The following GBF1 variants were observed in gnomAD, a reference collection of about 807,000 sequenced individuals.
GBF1 encodes Golgi-specific brefeldin A-resistance guanine nucleotide exchange factor 1.
In GBF1, 114 loss-of-function variants were observed where a neutral mutation model predicts 210.5. The ratio of observed to expected loss-of-function variants is 0.54; its 90% CI spans 0.47 to 0.63. The LOEUF (loss-of-function observed/expected upper bound fraction) is 0.63. Among genes scored for constraint, GBF1 ranks in the 30% least tolerant of loss-of-function variants. The pLI is 0.00. For missense variants in GBF1, 1,851 were observed against 2,357.7 expected (o/e 0.79, Z 4.45); for synonymous variants, 850 against 889.2 (o/e 0.96, Z 0.78).
chr10:102,316,268 G>A (rs772023), intron 3 of GBF1, among the ~76,000 whole-genome samples: 50,066 of 151,682 alleles, frequency 0.33, 8,865 homozygotes, highest in South Asian at 0.48. Flanking sequence ...TGTATTTTTA[G>A]TAGAGATGGG....
chr10:102,278,840 A>C (rs895434487), intron 3 of GBF1, among the ~76,000 whole-genome samples: 1 of 152,196 alleles, frequency 6.6e-6, no homozygotes, highest in Non-Finnish European at 1.5e-5. Flanking sequence ...GGGTATCACA[A>C]CTGCAGGTGC....
At chr10:102,240,238 C>T in the GBF1 span, among the ~76,000 whole-genome samples, 1 of 152,224 alleles carries the variant, frequency 6.6e-6, no homozygotes, top group South Asian at 2.1e-4. Context: ...TTTCCCATTG[C>T]CTTTTGTCAC....
rs111310148 is a variant in GBF1, at chr10:102,336,068, G to A, written c.164-7983G>A. Among the ~76,000 whole-genome samples the A allele has an allele frequency of 2.4e-3, 363 of 152,132 alleles. 1 individual carries two copies. Among genetic ancestry groups the A allele is most frequent in the African/African-American group, 8.3e-3 (345 of 41,538 alleles). On this transcript the variant is annotated intron_variant, in intron 3 of 39. Transcript: ENST00000369983. Reference sequence around the variant, plus strand: ...TGTAATCCCAGCACTTTGGGAGGCCGAGGCAGGCAGATCACAAGGTCAGGA... The same window carrying A: ...TGTAATCCCAGCACTTTGGGAGGCCAAGGCAGGCAGATCACAAGGTCAGGA...
intron 3 of GBF1, among the ~76,000 whole-genome samples, chr10:102,292,249 TC>T (rs2076504430): frequency 6.6e-6 from 1 of 151,598 alleles, no homozygotes. Context: ...CATTTTCTTC[TC>T]TAAAATAAGA....
At chr10:102,239,301 A>T in the GBF1 span, among the ~76,000 whole-genome samples, 2 of 152,228 alleles carry the variant, frequency 1.3e-5, no homozygotes, top group East Asian at 3.8e-4. Context: ...CTTCATTATG[A>T]TACCACCTCT....
rs1001476280 is a variant in GBF1 at position 102,286,710 on chromosome 10, C to T, written c.163+26594C>T. On this transcript the variant is annotated intron_variant, in intron 3 of 39. Transcript: ENST00000369983. ...CCTTCATTTTTATTCATACAAATAT[C>T]GGAATTCAGTGAGCATCAGTTATTC... Among the ~76,000 whole-genome samples, 3 of 152,092 alleles carry T rather than the reference C, an allele frequency of 2.0e-5. No homozygotes were observed. The East Asian group carries it at 5.8e-4, about 29-fold the overall frequency.
intron 3 of GBF1, among the ~76,000 whole-genome samples, chr10:102,317,845 A>G (rs1288881460): frequency 6.6e-6 from 1 of 152,126 alleles, no homozygotes; most frequent in Admixed American, 6.5e-5. Context: ...TATTCATTGT[A>G]TGAATGTTAC....
chr10:102,260,938 C>T (rs2073123324), intron 3 of GBF1, among the ~76,000 whole-genome samples: 2 of 152,092 alleles, frequency 1.3e-5, no homozygotes, highest in Admixed American at 6.6e-5. Context: ...TTCCTAATCA[C>T]GGTAACCTTA....
At chr10:102,233,192 G>T in the GBF1 span, among the ~76,000 whole-genome samples, 1 of 151,682 alleles carries the variant, frequency 6.6e-6, no homozygotes, top group South Asian at 2.1e-4. Context: ...CTCGAGATTC[G>T]CTCAGGGACT....
rs754505780 is a variant in GBF1, at chr10:102,363,776, T to C, written c.2084T>C (p.Ile695Thr). The change falls in exon 17 of 40, where the codon ATT (isoleucine) becomes ACT (threonine). Residue 695 changes from isoleucine to threonine, a missense_variant. Physicochemically the swap from Ile to Thr is moderately conservative, Grantham distance 89. Transcript: ENST00000369983. The surrounding 1 kb of genome is among the most constrained non-coding windows in gnomAD (Gnocchi z 4.2). ...CTCCTGCCAGATCCACGGGAACTAA[T>C]TGAAATTAAAAACAAAAAGAAGGTA... ...SCLLPDPREL[I>T]EIKNKKKLLI... 5.6e-6 allele frequency: 9 copies of C among 1,611,284 alleles called. No homozygotes were observed. Among genetic ancestry groups the C allele is most frequent in the Admixed American group, 1.7e-5 (1 of 59,990 alleles).
upstream of GBF1, among the ~76,000 whole-genome samples, chr10:102,240,658 T>G (rs1045551482): frequency 6.6e-6 from 1 of 152,198 alleles, no homozygotes; most frequent in Non-Finnish European, 1.5e-5. Flanking sequence ...CCGAGCCCCA[T>G]GCACCGCGGA....
chr10:102,230,999 G>A, the GBF1 span: 9 of 1,599,634 alleles, frequency 5.6e-6, no homozygotes, highest in Non-Finnish European at 7.7e-6. Flanking sequence ...TCGTAGGGCG[G>A]CACCAGCCCC....
Position 102,376,951 on chromosome 10 carries a change from G to A in GBF1, c.4305G>A (p.Glu1435=), listed in dbSNP as rs371570408. Reference sequence around the variant, plus strand: ...TCTGCTCAGGATGCAAGTCCCAGGAGAAACGTGGCAAGAGTCACAAATATG... The same window carrying A: ...TCTGCTCAGGATGCAAGTCCCAGGAAAAACGTGGCAAGAGTCACAAATATG... ...ASLNGGCKSQ[E]KRGKSHKYDS... The change falls in exon 33 of 40, where the codon GAG becomes GAA. Residue 1435 remains glutamate, a synonymous_variant. Transcript: ENST00000369983. 5.6e-6 allele frequency: 9 copies of A among 1,614,156 alleles called. No individual in the cohort carries two copies. Among genetic ancestry groups the A allele is most frequent in the Non-Finnish European group, 7.6e-6 (9 of 1,179,996 alleles).
rs762395371 is a variant in GBF1, at chr10:102,370,168, C to G, written c.3340-6C>G. The G allele has an allele frequency of 6.2e-7, 1 of 1,608,330 alleles. No individual in the cohort carries two copies. Among genetic ancestry groups the G allele is most frequent in the South Asian group, 1.1e-5 (1 of 90,976 alleles). On this transcript the variant is annotated splice_region_variant and splice_polypyrimidine_tract_variant and intron_variant, in intron 26 of 39. Transcript: ENST00000369983. Reference sequence around the variant, plus strand: ...AAAGACCCCCTCTCTCTTTTGCCCTCTCTAGCAATGTGACCCAGAAAAAAT... The same window carrying G: ...AAAGACCCCCTCTCTCTTTTGCCCTGTCTAGCAATGTGACCCAGAAAAAAT...
intron 3 of GBF1, among the ~76,000 whole-genome samples, chr10:102,339,638 C>A (rs1295215469): frequency 6.6e-6 from 1 of 151,754 alleles, no homozygotes; most frequent in Non-Finnish European, 1.5e-5. Context: ...TGCACTCTAG[C>A]CTGGGTAACA....
chr10:102,329,845 A>G (rs2057202235), intron 3 of GBF1, among the ~76,000 whole-genome samples: 1 of 152,192 alleles, frequency 6.6e-6, no homozygotes, highest in Non-Finnish European at 1.5e-5. Flanking sequence ...ACAGTGGCTT[A>G]TGCCTATAAT....
intron 4 of GBF1, among the ~76,000 whole-genome samples, chr10:102,345,140 G>T (rs1178893529): frequency 2.0e-5 from 3 of 151,846 alleles, no homozygotes; most frequent in Non-Finnish European, 4.4e-5. Context: ...ATATTAGCCA[G>T]GCGTGGTGGC....
chr10:102,276,630 A>G (rs962414688), intron 3 of GBF1, among the ~76,000 whole-genome samples: 8 of 151,848 alleles, frequency 5.3e-5, no homozygotes, highest in Admixed American at 5.3e-4. Flanking sequence ...AGAATGGGAG[A>G]TGGTGCCAGG....
chr10:102,344,067 G>A lies in GBF1; in HGVS notation c.180G>A (p.Glu60=), dbSNP rs1288529423. 1 of 1,612,656 alleles carries A rather than the reference G, an allele frequency of 6.2e-7. No individual in the cohort carries two copies. The highest frequency in any genetic ancestry group is 8.5e-7 in the Non-Finnish European group (1 of 1,178,698). The change falls in exon 4 of 40, where the codon GAG becomes GAA. Residue 60 remains glutamate, a synonymous_variant. Transcript: ENST00000369983. ...TTCTTGCAGAACTCTCAGAAATTGA[G>A]CCCAATGTATTCCTTCGACCTTTTC... The part of the protein sequence containing the change: ...LNSITELSEI[E]PNVFLRPFLE...
Sources: gnomAD v4.1 joint callset for allele counts (sites outside exome capture counted in the v4.1 genomes callset) on GRCh38, gnomAD v4.1.1 for gene constraint, Gnocchi (gnomAD v3.1) non-coding constraint, MANE v1.5 for transcripts, NCBI Gene and HGNC (gene_info 2026-07-23, HGNC 2026-07-21) for gene names.